C12orf42: variants seen among roughly 807,000 people sequenced by gnomAD.
The protein encoded by C12orf42 is uncharacterized protein C12orf42.
In C12orf42, 25 loss-of-function variants were observed where a neutral mutation model predicts 21.6. The ratio of observed to expected loss-of-function variants is 1.16; its 90% confidence interval spans 0.84 to 1.62. C12orf42 has a LOEUF of 1.62. C12orf42 is among the 40% of genes most tolerant of loss of function. C12orf42 has a pLI of 0.00. For missense variants in C12orf42, 483 were observed against 459.3 expected, an observed-to-expected ratio of 1.05 and a Z score of -0.47; for synonymous variants, 174 against 175.0, an observed-to-expected ratio of 0.99 and a Z score of 0.05.
chr12:103,417,129 C>T (rs1287213445), intron 2 of C12orf42, among the ~76,000 whole-genome samples: 1 of 152,116 alleles, frequency 6.6e-6, no homozygotes, highest in Non-Finnish European at 1.5e-5. Context: ...TGAACATAAA[C>T]TAAAAAGAGT....
the C12orf42 span, among the ~76,000 whole-genome samples, chr12:103,510,311 G>C: frequency 2.0e-5 from 3 of 152,246 alleles, no homozygotes; most frequent in Admixed American, 6.5e-5. Flanking sequence ...AGCTATGATA[G>C]GATACAAAGG....
chr12:103,436,411 T>G (rs931183710), intron 2 of C12orf42, among the ~76,000 whole-genome samples: 14 of 151,802 alleles, frequency 9.2e-5, no homozygotes, highest in Middle Eastern at 6.8e-3. Flanking sequence ...ATATTAACTT[T>G]AAATGTAAAT....
chr12:103,533,089 C>T, the C12orf42 span, among the ~76,000 whole-genome samples: 2 of 152,208 alleles, frequency 1.3e-5, no homozygotes, highest in African/African-American at 2.4e-5. Context: ...TCTCCGGCTG[C>T]ATTTCATAAT....
the C12orf42 span, among the ~76,000 whole-genome samples, chr12:103,202,047 A>G: frequency 6.6e-6 from 1 of 152,178 alleles, no homozygotes; most frequent in Non-Finnish European, 1.5e-5. Flanking sequence ...TAACCTAGTA[A>G]CTCTACCAGG....
chr12:103,539,649 A>T, the C12orf42 span, among the ~76,000 whole-genome samples: 2 of 151,384 alleles, frequency 1.3e-5, no homozygotes, highest in African/African-American at 4.9e-5. Context: ...GCACAATCTC[A>T]GCTCACTGCA....
downstream of C12orf42, among the ~76,000 whole-genome samples, chr12:103,234,418 G>C (rs2033406052): frequency 6.6e-6 from 1 of 151,980 alleles, no homozygotes; most frequent in African/African-American, 2.4e-5. Flanking sequence ...TGAGGAAGTG[G>C]GAGGACTGAG....
intron 2 of C12orf42, among the ~76,000 whole-genome samples, chr12:103,408,020 C>G (rs1171071715): frequency 2.6e-5 from 4 of 152,270 alleles, no homozygotes; most frequent in East Asian, 1.9e-4. Context: ...ATGGCACCCC[C>G]CTCTTTGCAG....
chr12:103,187,375 T>C, the C12orf42 span, among the ~76,000 whole-genome samples: 19 of 152,288 alleles, frequency 1.2e-4, no homozygotes, highest in African/African-American at 4.6e-4. Flanking sequence ...CATTAATGAT[T>C]AATGCAGATA....
At chr12:103,225,089 G>T in the C12orf42 span, among the ~76,000 whole-genome samples, 1 of 147,376 alleles carries the variant, frequency 6.8e-6, no homozygotes, top group Non-Finnish European at 1.5e-5. Context: ...ATGGGTGTCA[G>T]GGTCAGTCTA....
the C12orf42 span, among the ~76,000 whole-genome samples, chr12:103,186,922 T>C: frequency 6.6e-6 from 1 of 152,198 alleles, no homozygotes; most frequent in Admixed American, 6.5e-5. Flanking sequence ...CACCTTACTT[T>C]GATGGTACTC....
At chr12:103,273,857 C>T (rs1162065389) in intron 5 of C12orf42, 1 of 456,232 alleles carries the variant, frequency 2.2e-6, no homozygotes, top group African/African-American at 2.0e-5. Context: ...GCACTCACAG[C>T]AGGTCTCCTC....
chr12:103,229,196 T>C, the C12orf42 span, among the ~76,000 whole-genome samples: 1 of 152,250 alleles, frequency 6.6e-6, no homozygotes, highest in Admixed American at 6.5e-5. Context: ...TCTCCACATC[T>C]GCCTTCCTTC....
intron 2 of C12orf42, among the ~76,000 whole-genome samples, chr12:103,472,336 G>A (rs368351880): frequency 2.6e-5 from 4 of 152,014 alleles, no homozygotes; most frequent in East Asian, 3.9e-4. Context: ...TTACAGGCGT[G>A]AGCCACCGCA....
chr12:103,233,130 A>G (rs901713159), downstream of C12orf42, among the ~76,000 whole-genome samples: 1 of 152,128 alleles, frequency 6.6e-6, no homozygotes, highest in African/African-American at 2.4e-5. Flanking sequence ...AGATCGATTG[A>G]CTATATTTAT....
chr12:103,110,854 G>A, the C12orf42 span, among the ~76,000 whole-genome samples: 3 of 152,152 alleles, frequency 2.0e-5, no homozygotes, highest in African/African-American at 7.2e-5. Flanking sequence ...ATATATCCTG[G>A]AACCACTAAT....
At chr12:103,323,853 G>A (rs1017451635) in intron 4 of C12orf42, among the ~76,000 whole-genome samples, 1 of 152,050 alleles carries the variant, frequency 6.6e-6, no homozygotes, top group Non-Finnish European at 1.5e-5. Flanking sequence ...TGGTAAGCCT[G>A]GCATATAACA....
At position 103,444,176 on chromosome 12, in the gene C12orf42, T is replaced by G. The variant is rs527428678; in HGVS notation, c.78+34173A>C. 7.9e-5 allele frequency among the ~76,000 whole-genome samples: 12 copies of G among 152,226 alleles called. No individual in the cohort carries two copies. In the South Asian group the frequency reaches 2.5e-3, roughly 32 times the overall value. ...TAATTATTAATGCCAACTTTGTTAT[T>G]AATTTGCTAGCTTCTTAAGTTGAAA... On this transcript the variant is annotated intron_variant, in intron 2 of 5. Transcript: ENST00000548883.
intron 5 of C12orf42, among the ~76,000 whole-genome samples, chr12:103,271,023 T>C (rs1445074336): frequency 6.6e-6 from 1 of 152,140 alleles, no homozygotes; most frequent in Non-Finnish European, 1.5e-5. Flanking sequence ...TATGATTTGC[T>C]TTGCCAGGGG....
chr12:103,555,933 C>T, the C12orf42 span, among the ~76,000 whole-genome samples: 23 of 152,056 alleles, frequency 1.5e-4, no homozygotes, highest in African/African-American at 5.6e-4. Flanking sequence ...GACAGCAGCT[C>T]CTATCAGCTT....
Sources: gnomAD v4.1 joint callset for allele counts (sites outside exome capture counted in the v4.1 genomes callset) on GRCh38, gnomAD v4.1.1 for gene constraint, MANE v1.5 for transcripts, NCBI Gene and HGNC (gene_info 2026-07-23, HGNC 2026-07-21) for gene names.